Variants in ARHGAP6 observed in about 807,000 individuals in gnomAD.
ARHGAP6 encodes Rho GTPase activating protein 6.
In ARHGAP6, 16 loss-of-function variants were observed where a neutral mutation model predicts 55.7. That is an observed-to-expected ratio of 0.29 (90% confidence interval 0.19 to 0.44). ARHGAP6 has a LOEUF of 0.44. Among genes scored for constraint, ARHGAP6 ranks in the 20% least tolerant of loss-of-function variants. The pLI is 1.00. For synonymous variants in ARHGAP6, 382 were observed against 360.9 expected (o/e 1.06, Z -0.66); for missense variants, 698 against 808.9 (o/e 0.86, Z 1.66).
At chrX:11,382,065 T>C (rs2049269149) in intron 1 of ARHGAP6, among the ~76,000 whole-genome samples, 2 of 111,677 alleles carry the variant, frequency 1.8e-5, no homozygotes, top group Admixed American at 1.9e-4. Flanking sequence ...GTGGTGGTGA[T>C]TGTAATGTTG....
intron 8 of ARHGAP6, among the ~76,000 whole-genome samples, chrX:11,177,584 G>A (rs957223414): frequency 1.8e-5 from 2 of 111,531 alleles, no homozygotes; most frequent in Admixed American, 9.5e-5. Flanking sequence ...CCCTGTTTTG[G>A]GGGGAGAGTT....
chrX:11,450,733 C>T (rs985857826), intron 1 of ARHGAP6, among the ~76,000 whole-genome samples: 13 of 111,908 alleles, frequency 1.2e-4, no homozygotes, highest in African/African-American at 2.6e-4. Flanking sequence ...CACTATGAAC[C>T]GGTGTGGGCA....
At chrX:11,657,613 A>G (rs916346291) in intron 1 of ARHGAP6, among the ~76,000 whole-genome samples, 1 of 111,420 alleles carries the variant, frequency 9.0e-6, no homozygotes, top group Non-Finnish European at 1.9e-5. Context: ...TTGGGCATCC[A>G]TGAGCAGATA....
intron 1 of ARHGAP6, among the ~76,000 whole-genome samples, chrX:11,595,906 G>A (rs5978448): frequency 0.18 from 20,100 of 111,090 alleles, 1,504 homozygotes; most frequent in African/African-American, 0.25. Flanking sequence ...GGCGATCATT[G>A]AAAAGCCAGG....
chrX:11,616,907 C>T (rs2052172483), intron 1 of ARHGAP6, among the ~76,000 whole-genome samples: 1 of 111,570 alleles, frequency 9.0e-6, no homozygotes, highest in African/African-American at 3.3e-5. Context: ...GTCAATACTG[C>T]CAGTGTTGAG....
intron 2 of ARHGAP6, among the ~76,000 whole-genome samples, chrX:11,200,281 A>G (rs1054856640): frequency 8.9e-6 from 1 of 112,490 alleles, no homozygotes; most frequent in Non-Finnish European, 1.9e-5. Flanking sequence ...TCCTGATAGA[A>G]TACATCTTGG....
intron 1 of ARHGAP6, among the ~76,000 whole-genome samples, chrX:11,437,058 A>G: frequency 9.0e-6 from 1 of 111,186 alleles, no homozygotes; most frequent in East Asian, 2.8e-4. Flanking sequence ...ATAAAGTAGA[A>G]GGAAGGAAAT....
At chrX:11,507,762 C>T (rs1018024640) in intron 1 of ARHGAP6, among the ~76,000 whole-genome samples, 1 of 111,733 alleles carries the variant, frequency 8.9e-6, no homozygotes, top group Non-Finnish European at 1.9e-5. Flanking sequence ...AGTTATGGGA[C>T]TGTCAATCCC....
At chrX:11,239,971 T>A (rs62590036) in intron 2 of ARHGAP6, among the ~76,000 whole-genome samples, 2,495 of 111,785 alleles carry the variant, frequency 0.022, 34 homozygotes, top group South Asian at 0.042. Context: ...GCCACAGACC[T>A]CCCAAAAAAT....
At chrX:11,580,722 G>C (rs1180873994) in intron 1 of ARHGAP6, among the ~76,000 whole-genome samples, 1 of 111,808 alleles carries the variant, frequency 8.9e-6, no homozygotes, top group Non-Finnish European at 1.9e-5. Context: ...TATAATGTTA[G>C]CTCTCTTTAA....
At chrX:11,251,613 T>C (rs1176510222) in intron 2 of ARHGAP6, among the ~76,000 whole-genome samples, 3 of 112,407 alleles carry the variant, frequency 2.7e-5, no homozygotes, top group African/African-American at 9.7e-5. Context: ...TATGTGTCCA[T>C]TTTCATTGTA....
At position 11,419,414 on chromosome X, in the gene ARHGAP6, G is replaced by A. The variant is rs191428428; in HGVS notation, c.589-164707C>T. ...AACTTTTGAGATAAAAGTTAAGACC[G>A]TGTTTTGCATTTTGCTCAGACCATC... On this transcript the variant is annotated intron_variant, in intron 1 of 12. Coordinates refer to ENST00000337414, the MANE Select transcript of ARHGAP6 (RefSeq NM_013427.3). Among the ~76,000 whole-genome samples, 61 of 112,341 alleles carry A rather than the reference G, an allele frequency of 5.4e-4. 1 individual carries two copies. Among genetic ancestry groups the A allele is most frequent in the African/African-American group, 1.9e-3 (58 of 30,918 alleles).
intron 1 of ARHGAP6, among the ~76,000 whole-genome samples, chrX:11,288,090 T>G (rs1257735112): frequency 1.8e-5 from 2 of 112,624 alleles, no homozygotes; most frequent in East Asian, 5.6e-4. Context: ...CGTCTAATCC[T>G]TCTTAGCTGC....
At chrX:11,406,855 A>G (rs1326056142) in intron 1 of ARHGAP6, among the ~76,000 whole-genome samples, 1 of 108,692 alleles carries the variant, frequency 9.2e-6, no homozygotes. Flanking sequence ...GAAACATCTA[A>G]ATAGATAAAT....
intron 1 of ARHGAP6, among the ~76,000 whole-genome samples, chrX:11,464,633 G>C (rs1484961835): frequency 4.5e-5 from 5 of 112,217 alleles, no homozygotes; most frequent in Non-Finnish European, 9.4e-5. Flanking sequence ...CTTCTTTCAA[G>C]ACTTTATTCC....
At chrX:11,304,856 G>A (rs1430148111) in intron 1 of ARHGAP6, among the ~76,000 whole-genome samples, 1 of 90,580 alleles carries the variant, frequency 1.1e-5, no homozygotes, top group African/African-American at 4.5e-5. Context: ...GCTCAATCTC[G>A]GTTCACTGCA....
chrX:11,387,278 T>A (rs190198111), intron 1 of ARHGAP6, among the ~76,000 whole-genome samples: 1 of 111,731 alleles, frequency 9.0e-6, no homozygotes, highest in Non-Finnish European at 1.9e-5. Context: ...CCTCGACCAC[T>A]GAGCTGGAAT....
chrX:11,171,689 G>A (rs1359465801), intron 8 of ARHGAP6, among the ~76,000 whole-genome samples: 1 of 111,915 alleles, frequency 8.9e-6, no homozygotes, highest in African/African-American at 3.3e-5. Context: ...GTGAACGGGA[G>A]AGTCTGAGTA....
intron 1 of ARHGAP6, among the ~76,000 whole-genome samples, chrX:11,485,873 C>A (rs1038680878): frequency 8.9e-6 from 1 of 111,831 alleles, no homozygotes; most frequent in Admixed American, 9.5e-5. Context: ...TGGGTGGGTG[C>A]CTTACTGCCT....
Sources: gnomAD v4.1 joint callset for allele counts (sites outside exome capture counted in the v4.1 genomes callset) on GRCh38, gnomAD v4.1.1 for gene constraint, MANE v1.5 for transcripts, NCBI Gene and HGNC (gene_info 2026-07-23, HGNC 2026-07-21) for gene names.